Variants in NAV2 observed in about 807,000 individuals in gnomAD.
The protein encoded by NAV2 is helicase, APC down-regulated 1.
NAV2 carries 54 observed loss-of-function variants against 223.2 expected under a neutral mutation model. The observed-to-expected ratio is 0.24, with a 90% CI of 0.19 to 0.30. The LOEUF (loss-of-function observed/expected upper bound fraction) is 0.30, where lower values mean the gene tolerates loss of function less well. Ranked by LOEUF, NAV2 falls within the 10% of genes least tolerant of loss-of-function variation. The pLI, the probability that NAV2 is intolerant of heterozygous loss-of-function variation, is 1.00. For synonymous variants in NAV2, 1,279 were observed against 1,239.3 expected (o/e 1.03, Z -0.67); for missense variants, 2,806 against 3,147.5 (o/e 0.89, Z 2.60).
intron 1 of NAV2, among the ~76,000 whole-genome samples, chr11:19,552,884 T>C (rs549696799): frequency 2.0e-5 from 2 of 102,044 alleles, no homozygotes; most frequent in South Asian, 6.4e-4. Flanking sequence ...AGAGTGTGTG[T>C]GAGTGTGTGT....
chr11:19,413,003 C>T (rs1331117127), intron 1 of NAV2, among the ~76,000 whole-genome samples: 3 of 152,150 alleles, frequency 2.0e-5, no homozygotes, highest in African/African-American at 7.2e-5. Flanking sequence ...ATTCCAAAAA[C>T]CAGATGACCT....
Position 19,649,986 on chromosome 11 carries a change from C to A in NAV2, c.76-182498C>A, listed in dbSNP as rs116712776. Among the ~76,000 whole-genome samples the A allele has an allele frequency of 8.8e-3, 1,334 of 152,236 alleles. 18 individuals carry two copies. Among genetic ancestry groups the A allele is most frequent in the African/African-American group, 0.03 (1,262 of 41,560 alleles). On this transcript the variant is annotated intron_variant, in intron 1 of 37. Transcript: ENST00000360655. Reference sequence around the variant, plus strand: ...CAACTGAAACTTTTTCTGTCGCTGGCAGGAATGTAAAGTGATTCCACCACT... The same window carrying A: ...CAACTGAAACTTTTTCTGTCGCTGGAAGGAATGTAAAGTGATTCCACCACT...
At chr11:19,688,339 T>G (rs1352974516) in intron 1 of NAV2, among the ~76,000 whole-genome samples, 2 of 152,198 alleles carry the variant, frequency 1.3e-5, no homozygotes, top group Non-Finnish European at 2.9e-5. Context: ...TGTGTAATCT[T>G]ATCCATTCCA....
intron 1 of NAV2, among the ~76,000 whole-genome samples, chr11:19,396,613 T>C (rs1468271238): frequency 6.6e-6 from 1 of 151,868 alleles, no homozygotes; most frequent in African/African-American, 2.4e-5. Context: ...GGTGGGGAGG[T>C]CTCAACAGTA....
intron 6 of NAV2, among the ~76,000 whole-genome samples, chr11:19,932,512 T>C (rs1670635957): frequency 6.6e-6 from 1 of 152,094 alleles, no homozygotes; most frequent in South Asian, 2.1e-4. Context: ...AGAGACTGGG[T>C]TTCACCATGT....
intron 1 of NAV2, among the ~76,000 whole-genome samples, chr11:19,578,466 G>A (rs1258086807): frequency 6.6e-6 from 1 of 152,194 alleles, no homozygotes; most frequent in East Asian, 1.9e-4. Context: ...ATTCACTGGT[G>A]ACCAAGGAGG....
intron 1 of NAV2, among the ~76,000 whole-genome samples, chr11:19,585,908 T>C (rs2045882336): frequency 6.6e-6 from 1 of 152,212 alleles, no homozygotes; most frequent in Non-Finnish European, 1.5e-5. Flanking sequence ...CTGTATTTCC[T>C]GAATTTGAAT....
At chr11:19,725,598 C>T (rs1372842062) in intron 1 of NAV2, among the ~76,000 whole-genome samples, 1 of 152,220 alleles carries the variant, frequency 6.6e-6, no homozygotes, top group Non-Finnish European at 1.5e-5. Flanking sequence ...CCATGGCTTT[C>T]CTCTTTGGTC....
chr11:19,992,346 AACCAC>A (rs1440193127), intron 11 of NAV2, among the ~76,000 whole-genome samples: 1 of 152,248 alleles, frequency 6.6e-6, no homozygotes, highest in African/African-American at 2.4e-5. Context: ...CTGTAACTTA[AACCAC>A]AGAGGAATTC....
chr11:19,850,269 C>T (rs2061040190), intron 3 of NAV2, among the ~76,000 whole-genome samples: 1 of 152,278 alleles, frequency 6.6e-6, no homozygotes, highest in African/African-American at 2.4e-5. Flanking sequence ...TCTTTTGTGT[C>T]CCCAAGTGTC....
At chr11:19,619,974 C>T (rs2046934268) in intron 1 of NAV2, among the ~76,000 whole-genome samples, 1 of 152,216 alleles carries the variant, frequency 6.6e-6, no homozygotes, top group Non-Finnish European at 1.5e-5. Context: ...CAGCTTTCTA[C>T]ATATGGCTAG....
At chr11:19,896,485 T>A (rs1381525929) in intron 6 of NAV2, among the ~76,000 whole-genome samples, 1 of 147,196 alleles carries the variant, frequency 6.8e-6, no homozygotes, top group Non-Finnish European at 1.5e-5. Flanking sequence ...TAAAGCACTT[T>A]ACTGCTTGGA....
At chr11:19,627,828 C>G (rs1187004477) in intron 1 of NAV2, among the ~76,000 whole-genome samples, 1 of 151,042 alleles carries the variant, frequency 6.6e-6, no homozygotes, top group Non-Finnish European at 1.5e-5. Flanking sequence ...AGACAGGAAA[C>G]CTAGTTCTAA....
chr11:20,063,452 A>G (rs2058834842), intron 20 of NAV2, among the ~76,000 whole-genome samples: 1 of 152,130 alleles, frequency 6.6e-6, no homozygotes, highest in Admixed American at 6.5e-5. Flanking sequence ...GGCTCACTGC[A>G]ACCTCTGCCT....
chr11:19,354,363 C>G (rs1344325537), intron 1 of NAV2, among the ~76,000 whole-genome samples: 3 of 152,142 alleles, frequency 2.0e-5, no homozygotes, highest in African/African-American at 7.2e-5. Flanking sequence ...CTAGTGTGGC[C>G]AAATTTTAAA....
At chr11:19,849,045 T>C (rs934887972) in intron 3 of NAV2, among the ~76,000 whole-genome samples, 1 of 152,212 alleles carries the variant, frequency 6.6e-6, no homozygotes, top group African/African-American at 2.4e-5. Context: ...CTAACATTTA[T>C]TGATCACTCA....
In NAV2 at chr11:20,043,968, T is replaced by C. The variant is rs2057202163; in HGVS notation, c.2908-13T>C. 5.6e-6 allele frequency: 9 copies of C among 1,607,686 alleles called. No homozygotes were observed. Among genetic ancestry groups the C allele is most frequent in the Non-Finnish European group, 7.7e-6 (9 of 1,174,780 alleles). ...ACTGGGGAAGGACTAATTCAGAGAG[T>C]CTCTGTCCACAGACTGATGCTGAGA... On this transcript the variant is annotated splice_polypyrimidine_tract_variant and intron_variant, in intron 12 of 37. Coordinates refer to ENST00000349880, the MANE Select transcript of NAV2 (RefSeq NM_145117.5).
rs549255456 is a variant in NAV2, at chr11:19,830,174, G to A, written c.268-2310G>A. Among the ~76,000 whole-genome samples the A allele has an allele frequency of 4.2e-4, 64 of 152,256 alleles. 1 individual carries two copies. In the South Asian group the frequency reaches 6.0e-3, roughly 14 times the overall value. On this transcript the variant is annotated intron_variant, in intron 1 of 37. Transcript: ENST00000349880. Reference sequence around the variant, plus strand: ...CGGGAGGCGGAGGTTGCAGTGAGCCGAGATCACGCCACTGCACTCCAGGCT... The same window carrying A: ...CGGGAGGCGGAGGTTGCAGTGAGCCAAGATCACGCCACTGCACTCCAGGCT...
chr11:19,345,870 G>A (rs1852978453), upstream of NAV2, among the ~76,000 whole-genome samples: 1 of 152,142 alleles, frequency 6.6e-6, no homozygotes, highest in Non-Finnish European at 1.5e-5. The surrounding 1 kb of genome is among the most constrained non-coding windows in gnomAD (Gnocchi z 5.2). Flanking sequence ...GTCTCTGTGG[G>A]TTCCCCTCTG....
Sources: allele counts gnomAD v4.1 joint callset (sites outside exome capture counted in the v4.1 genomes callset), GRCh38; gene constraint gnomAD v4.1.1; non-coding constraint Gnocchi (gnomAD v3.1); transcripts MANE v1.5; gene names NCBI Gene and HGNC (gene_info 2026-07-23, HGNC 2026-07-21).